Variants in C2CD3 observed in about 807,000 individuals in gnomAD.
C2CD3 encodes C2 domain containing 3 centriole elongation regulator, also known as C2 domain-containing protein 3.
Under a neutral mutation model 234.0 loss-of-function variants are expected in C2CD3, and 148 were observed. The ratio of observed to expected loss-of-function variants is 0.63; its 90% CI spans 0.55 to 0.72. C2CD3 has a LOEUF of 0.72. Ranked by LOEUF, C2CD3 falls within the 30% of genes least tolerant of loss-of-function variation. The pLI is 0.00. For missense variants in C2CD3, 2,577 were observed against 2,811.5 expected, an observed-to-expected ratio of 0.92 and a Z score of 1.89; for synonymous variants, 1,000 against 1,035.4, an observed-to-expected ratio of 0.97 and a Z score of 0.66.
intron 23 of C2CD3, 66 bp downstream of exon 23, chr11:74,078,049 C>G: frequency 6.5e-7 from 1 of 1,529,344 alleles, no homozygotes; most frequent in South Asian, 1.3e-5. Context: ...GACAGAGTGT[C>G]TCACCTAGTG....
At chr11:74,017,701 C>T (rs928084404) in intron 32 of C2CD3, among the ~76,000 whole-genome samples, 1 of 152,226 alleles carries the variant, frequency 6.6e-6, no homozygotes, top group Non-Finnish European at 1.5e-5. Flanking sequence ...GCAGATAATG[C>T]AAGAGGAGGC....
At chr11:74,154,884 T>TTAGA (rs750393422) in intron 3 of C2CD3, among the ~76,000 whole-genome samples, 1 of 152,166 alleles carries the variant, frequency 6.6e-6, no homozygotes, top group Non-Finnish European at 1.5e-5. Flanking sequence ...AAAATCTCAA[T>TTAGA]TAGATATCAG....
At chr11:74,141,357 T>A (rs973975810) in intron 3 of C2CD3, among the ~76,000 whole-genome samples, 1 of 152,246 alleles carries the variant, frequency 6.6e-6, no homozygotes. Context: ...CAGTGATCAC[T>A]GTTAACAGCA....
chr11:74,103,787 T>C (rs1267143219), intron 13 of C2CD3, among the ~76,000 whole-genome samples, 162 bp from the exon 14 acceptor site: 1 of 152,214 alleles, frequency 6.6e-6, no homozygotes, highest in Non-Finnish European at 1.5e-5. Flanking sequence ...ATTAACTTGC[T>C]AGACTAAGAA....
At chr11:74,101,208 T>G (rs1956303444) in intron 14 of C2CD3, among the ~76,000 whole-genome samples, 1 of 152,242 alleles carries the variant, frequency 6.6e-6, no homozygotes, top group African/African-American at 2.4e-5. Context: ...CAACATAAAA[T>G]TACTCCAGAA....
intron 3 of C2CD3, among the ~76,000 whole-genome samples, chr11:74,141,968 C>CT (rs1565340342): frequency 6.6e-6 from 1 of 152,068 alleles, no homozygotes. Flanking sequence ...TGCCACTGTA[C>CT]TACAGCCTGG....
chr11:74,128,571 C>T (rs1464857722), intron 7 of C2CD3: 1 of 151,864 alleles, frequency 6.6e-6, no homozygotes, highest in East Asian at 1.9e-4. Context: ...TTTTATTGAT[C>T]ATTCTTGGGT....
At chr11:74,030,879 A>G (rs1388703924) in intron 31 of C2CD3, among the ~76,000 whole-genome samples, 1 of 151,830 alleles carries the variant, frequency 6.6e-6, no homozygotes, top group African/African-American at 2.4e-5. Context: ...TGTGACAGAA[A>G]CCTCTAATTA....
At chr11:74,053,652 CAG>C (rs1953806631) in intron 26 of C2CD3, among the ~76,000 whole-genome samples, 1 of 152,166 alleles carries the variant, frequency 6.6e-6, no homozygotes, top group South Asian at 2.1e-4. Context: ...GTTAATAAGC[CAG>C]AGTCAACAGA....
At chr11:74,110,096 A>AATAC (rs942354067) in intron 11 of C2CD3, among the ~76,000 whole-genome samples, 1 of 151,578 alleles carries the variant, frequency 6.6e-6, no homozygotes, top group Admixed American at 6.6e-5. Context: ...TAAATAAATA[A>AATAC]ATAAATAAAA....
Position 74,033,741 on chromosome 11 carries a change from T to TG in C2CD3, c.6418dup (p.His2140ProfsTer4), listed in dbSNP as rs34516412. On this transcript the variant is annotated frameshift_variant, in exon 31 of 33. Coordinates refer to ENST00000334126, the MANE Select transcript of C2CD3 (RefSeq NM_001286577.2). LOFTEE classifies it high-confidence loss of function. ...GCTAGGAGAACCCTGCCTAGGCAGG[T>TG]GGGGGTTGACAGCCCTTTCTGGGCT... 1 of 1,536,082 alleles carries TG rather than the reference T, an allele frequency of 6.5e-7. No homozygotes were observed. The highest frequency in any genetic ancestry group is 1.2e-5 in the South Asian group (1 of 84,052).
At chr11:74,095,506 G>C in intron 16 of C2CD3, 98 bp from the exon 17 acceptor site, 1 of 867,278 alleles carries the variant, frequency 1.2e-6, no homozygotes, top group Non-Finnish European at 1.7e-6. Context: ...AAAGAGATAA[G>C]TATAATTAGT....
At chr11:74,087,201 T>A (rs149679255) in intron 20 of C2CD3, among the ~76,000 whole-genome samples, 2 of 152,334 alleles carry the variant, frequency 1.3e-5, no homozygotes, top group African/African-American at 4.8e-5. Context: ...TACAATAGTA[T>A]ACCATGAAGT....
At chr11:74,094,606 T>C (rs1956037820) in intron 17 of C2CD3, among the ~76,000 whole-genome samples, 1 of 152,082 alleles carries the variant, frequency 6.6e-6, no homozygotes, top group African/African-American at 2.4e-5. Flanking sequence ...ATGGAGACAG[T>C]AGGAGGCAGT....
intron 5 of C2CD3, among the ~76,000 whole-genome samples, chr11:74,136,501 A>G (rs1171314677): frequency 1.3e-5 from 2 of 152,226 alleles, no homozygotes; most frequent in African/African-American, 2.4e-5. Context: ...AAAGTCTGAG[A>G]CAGTAATAAA....
At chr11:74,121,194 T>C (rs1323856217) in intron 8 of C2CD3, among the ~76,000 whole-genome samples, 3 of 152,134 alleles carry the variant, frequency 2.0e-5, no homozygotes, top group African/African-American at 7.2e-5. Flanking sequence ...TTTTGTCAGA[T>C]AGACTACGGT....
intron 23 of C2CD3, among the ~76,000 whole-genome samples, chr11:74,076,781 C>G (rs547647302): frequency 2.7e-4 from 41 of 152,324 alleles, no homozygotes; most frequent in African/African-American, 9.6e-4. Flanking sequence ...TTCCCCCTTT[C>G]CTTGACTTAT....
chr11:74,056,864 C>G (rs568310587), intron 25 of C2CD3, among the ~76,000 whole-genome samples: 1 of 151,706 alleles, frequency 6.6e-6, no homozygotes, highest in East Asian at 1.9e-4. Context: ...TTTTTCTGAG[C>G]TCTACCAGCA....
chr11:74,128,901 T>C (rs1957517544), intron 7 of C2CD3: 19 of 279,146 alleles, frequency 6.8e-5, no homozygotes, highest in South Asian at 6.1e-4. Flanking sequence ...GCAGAAGAAT[T>C]TTTCGTAGTA....
Sources: allele counts gnomAD v4.1 joint callset (sites outside exome capture counted in the v4.1 genomes callset), GRCh38; gene constraint gnomAD v4.1.1; transcripts MANE v1.5; gene names NCBI Gene and HGNC (gene_info 2026-07-23, HGNC 2026-07-21).